SRGAP1: variants seen among roughly 807,000 people sequenced by gnomAD.
The protein encoded by SRGAP1 is SLIT-ROBO Rho GTPase activating protein 1.
SRGAP1 carries 43 observed loss-of-function variants against 121.9 expected under a neutral mutation model. The ratio of observed to expected loss-of-function variants is 0.35; its 90% confidence interval spans 0.28 to 0.46. SRGAP1 has a LOEUF of 0.46. SRGAP1 is among the 20% of genes least tolerant of loss of function. The pLI is 1.00. For synonymous variants in SRGAP1, 447 were observed against 485.4 expected, an observed-to-expected ratio of 0.92 and a Z score of 1.04; for missense variants, 1,102 against 1,350.9, an observed-to-expected ratio of 0.82 and a Z score of 2.89.
chr12:63,952,667 C>G (rs190239764), intron 1 of SRGAP1, among the ~76,000 whole-genome samples: 1 of 152,138 alleles, frequency 6.6e-6, no homozygotes, highest in Non-Finnish European at 1.5e-5. Flanking sequence ...GGGCCTCAGA[C>G]ACAGTTTATG....
At chr12:63,923,149 T>G (rs2031129659) in intron 1 of SRGAP1, among the ~76,000 whole-genome samples, 1 of 152,222 alleles carries the variant, frequency 6.6e-6, no homozygotes, top group Non-Finnish European at 1.5e-5. Flanking sequence ...CAGAGGTAAA[T>G]GCCACTAATA....
chr12:63,964,494 C>G (rs2032730809), intron 1 of SRGAP1, among the ~76,000 whole-genome samples: 1 of 152,060 alleles, frequency 6.6e-6, no homozygotes, highest in South Asian at 2.1e-4. Context: ...CCCAGGGTCA[C>G]TTAAGTAGTG....
chr12:64,161,182 C>T lies in SRGAP1; in HGVS notation c.*18510C>T, dbSNP rs1338698526. 1.3e-5 allele frequency: 2 copies of T among 152,136 alleles called. No homozygotes were observed. Among genetic ancestry groups the T allele is most frequent in the Non-Finnish European group, 2.9e-5 (2 of 68,022 alleles). 9.4% of individuals were successfully genotyped at this position (152,136 alleles called of 1,614,324 possible). A position where few individuals can be genotyped will look rare whatever the true frequency, so the allele number is the denominator to read the frequency against. ...AAGTAGATAAAAATTAATTCATTCT[C>T]AAAATCTTCCACAGAAATGCTTTCA... On this transcript the variant is annotated 3_prime_UTR_variant, in exon 22 of 22. Transcript: ENST00000355086.
Position 64,085,589 on chromosome 12 carries a change from C to G in SRGAP1, c.1409-1410C>G, listed in dbSNP as rs562527676. On this transcript the variant is annotated intron_variant, in intron 10 of 21. Coordinates refer to ENST00000355086, the MANE Select transcript of SRGAP1 (RefSeq NM_020762.4). Reference sequence around the variant, plus strand: ...TGTATAGCCAGCTTGCTGCCGAACACTGCCATTAGGATATCCCATAAGGCA... The same window carrying G: ...TGTATAGCCAGCTTGCTGCCGAACAGTGCCATTAGGATATCCCATAAGGCA... 5.9e-5 allele frequency among the ~76,000 whole-genome samples: 9 copies of G among 152,306 alleles called. No homozygotes were observed. In the South Asian group the frequency reaches 1.9e-3, roughly 32 times the overall value.
intron 1 of SRGAP1, among the ~76,000 whole-genome samples, chr12:63,937,519 G>T (rs567762425): frequency 6.6e-6 from 1 of 152,296 alleles, no homozygotes; most frequent in African/African-American, 2.4e-5. Context: ...AATGTGACTT[G>T]TCTATGACAT....
chr12:63,909,943 A>G (rs2030413638), intron 1 of SRGAP1, among the ~76,000 whole-genome samples: 1 of 152,216 alleles, frequency 6.6e-6, no homozygotes, highest in Non-Finnish European at 1.5e-5. Flanking sequence ...ATGGAAGGTA[A>G]TCTGCTTTAC....
In SRGAP1 at chr12:63,970,195, T is replaced by C. The variant is rs115147776; in HGVS notation, c.68-13752T>C. Among the ~76,000 whole-genome samples the C allele has an allele frequency of 3.4e-3, 519 of 152,258 alleles. 4 individuals are homozygous for C. Among genetic ancestry groups the C allele is most frequent in the African/African-American group, 0.012 (490 of 41,544 alleles). On this transcript the variant is annotated intron_variant, in intron 1 of 21. Transcript: ENST00000355086. ...AGAAAGCTGGGGAGGAGAGTTTAAA[T>C]TAAAAGGCAACATTTACATTGTAGA...
intron 18 of SRGAP1, among the ~76,000 whole-genome samples, chr12:64,122,633 C>T: frequency 6.6e-6 from 1 of 152,184 alleles, no homozygotes; most frequent in South Asian, 2.1e-4. Flanking sequence ...GGCCCAGTGG[C>T]TTACACGTGT....
intron 21 of SRGAP1, among the ~76,000 whole-genome samples, chr12:64,134,970 G>C (rs541719661): frequency 6.6e-6 from 1 of 152,274 alleles, no homozygotes; most frequent in Non-Finnish European, 1.5e-5. Context: ...GTTGGAGGTG[G>C]CTCCTGAGGA....
intron 2 of SRGAP1, among the ~76,000 whole-genome samples, chr12:63,986,677 C>T (rs1162002653): frequency 2.0e-5 from 3 of 152,170 alleles, no homozygotes; most frequent in Non-Finnish European, 4.4e-5. Flanking sequence ...CCTGCCTCAG[C>T]CTCCCAAAGT....
intron 2 of SRGAP1, among the ~76,000 whole-genome samples, chr12:63,987,475 C>T (rs1393064852): frequency 6.6e-6 from 1 of 152,134 alleles, no homozygotes; most frequent in Non-Finnish European, 1.5e-5. Context: ...GTAATCCCAG[C>T]ACTTTGGGAG....
chr12:63,890,990 G>T (rs1900559852), intron 1 of SRGAP1, among the ~76,000 whole-genome samples: 1 of 152,190 alleles, frequency 6.6e-6, no homozygotes, highest in South Asian at 2.1e-4. Flanking sequence ...CTGGGAGGAG[G>T]TAATGGCCCT....
intron 4 of SRGAP1, among the ~76,000 whole-genome samples, chr12:64,028,320 C>G (rs1400239490): frequency 2.0e-5 from 3 of 152,252 alleles, no homozygotes; most frequent in Non-Finnish European, 4.4e-5. Context: ...GAATGACCTT[C>G]TCTGTCACTG....
rs374906290 is a variant in SRGAP1 at position 64,095,225 on chromosome 12, A to G, written c.1678+21A>G. 2.1e-5 allele frequency: 33 copies of G among 1,606,242 alleles called. 2 individuals carry two copies. The Middle Eastern group carries it at 9.1e-4, about 44-fold the overall frequency. On this transcript the variant is annotated intron_variant, in intron 14 of 21. Coordinates refer to ENST00000355086, the MANE Select transcript of SRGAP1 (RefSeq NM_020762.4). ...GAGAGGTAATTGCACGTCTATCCCT[A>G]TAAGCAAACCACGTTGAAAAGTCAT...
intron 19 of SRGAP1, among the ~76,000 whole-genome samples, chr12:64,126,582 A>G (rs950043758): frequency 6.6e-6 from 1 of 152,182 alleles, no homozygotes; most frequent in Non-Finnish European, 1.5e-5. Context: ...TTTGCTGAGG[A>G]GAAAGCTCTA....
Position 64,063,102 on chromosome 12 carries a change from A to G in SRGAP1, c.987A>G (p.Pro329=). 2 of 1,613,818 alleles carry G rather than the reference A, an allele frequency of 1.2e-6. No homozygotes were observed. The highest frequency in any genetic ancestry group is 1.7e-6 in the Non-Finnish European group (2 of 1,179,724). The change falls in exon 7 of 22, where the codon CCA becomes CCG. Residue 329 remains proline, a synonymous_variant. Transcript: ENST00000355086. The part of the protein sequence containing the change: ...MEMYPAAFCP[P]MKFEFQSHMG... ...TGTACCCTGCTGCGTTCTGTCCACC[A>G]ATGAAGTTTGAGTTTCAGTCTCACA...
At chr12:64,014,322 G>GT (rs1377610584) in intron 3 of SRGAP1, among the ~76,000 whole-genome samples, 6 of 152,272 alleles carry the variant, frequency 3.9e-5, no homozygotes, top group Admixed American at 3.3e-4. Context: ...AAATGTAAGT[G>GT]TATGTCTGGC....
At chr12:64,072,349 G>A (rs760240885) in intron 8 of SRGAP1, among the ~76,000 whole-genome samples, 1 of 151,996 alleles carries the variant, frequency 6.6e-6, no homozygotes, top group Admixed American at 6.6e-5. Context: ...AAGGTACAAG[G>A]CACAGTGCCA....
chr12:63,885,041 A>G (rs1900330639), intron 1 of SRGAP1, among the ~76,000 whole-genome samples: 1 of 152,078 alleles, frequency 6.6e-6, no homozygotes, highest in Non-Finnish European at 1.5e-5. Context: ...GTAGATTTTA[A>G]AAATCCACTA....
Sources: allele counts gnomAD v4.1 joint callset (sites outside exome capture counted in the v4.1 genomes callset), GRCh38; gene constraint gnomAD v4.1.1; transcripts MANE v1.5; gene names NCBI Gene and HGNC (gene_info 2026-07-23, HGNC 2026-07-21).